Variants in UVRAG observed in about 807,000 individuals in gnomAD.
The protein encoded by UVRAG is UV radiation resistance associated.
In UVRAG, 19 loss-of-function variants were observed where a neutral mutation model predicts 78.0. The observed-to-expected ratio is 0.24, with a 90% CI of 0.17 to 0.36. The LOEUF is 0.36. Ranked by LOEUF, UVRAG falls within the 10% of genes least tolerant of loss-of-function variation. The pLI, the probability that UVRAG is intolerant of heterozygous loss-of-function variation, is 1.00. For synonymous variants in UVRAG, 323 were observed against 324.6 expected (o/e 1.00, Z 0.05); for missense variants, 740 against 853.8 (o/e 0.87, Z 1.66).
intron 6 of UVRAG, among the ~76,000 whole-genome samples, chr11:75,948,090 A>G (rs973055838): frequency 7.9e-5 from 12 of 152,188 alleles, no homozygotes; most frequent in African/African-American, 2.4e-4. Context: ...CAAGCAAAGA[A>G]TAACATCTAA....
chr11:75,994,855 T>G (rs1175108674), intron 8 of UVRAG, among the ~76,000 whole-genome samples: 1 of 152,236 alleles, frequency 6.6e-6, no homozygotes, highest in African/African-American at 2.4e-5. Context: ...AACTTTGTTT[T>G]GCTTTGTTCC....
At chr11:75,983,669 C>T (rs991702476) in intron 8 of UVRAG, 156 bp downstream of exon 8, 36 of 1,037,758 alleles carry the variant, frequency 3.5e-5, no homozygotes, top group East Asian at 1.7e-4. Context: ...TTGGTGATTT[C>T]CTTGCTGAGC....
chr11:76,028,464 A>AT (rs1340142357), intron 12 of UVRAG, among the ~76,000 whole-genome samples: 1 of 152,184 alleles, frequency 6.6e-6, no homozygotes, highest in African/African-American at 2.4e-5. Context: ...AAAAGCTGAG[A>AT]TGGGCTGAAA....
chr11:75,894,344 A>C (rs932141816), intron 5 of UVRAG, among the ~76,000 whole-genome samples: 1 of 151,998 alleles, frequency 6.6e-6, no homozygotes, highest in Non-Finnish European at 1.5e-5. Flanking sequence ...TTCACAATGG[A>C]ATGAAGAAAA....
intron 5 of UVRAG, among the ~76,000 whole-genome samples, chr11:75,900,198 G>A (rs539556923): frequency 2.0e-5 from 3 of 152,112 alleles, no homozygotes; most frequent in East Asian, 1.9e-4. Context: ...AACAGAGTTC[G>A]ACTTGTTCTC....
At chr11:75,842,774 G>A (rs888791285) in intron 1 of UVRAG, among the ~76,000 whole-genome samples, 11 of 151,874 alleles carry the variant, frequency 7.2e-5, no homozygotes, top group South Asian at 6.2e-4. Flanking sequence ...CCCCTTTTTC[G>A]TTGGTCTCTA....
intron 13 of UVRAG, among the ~76,000 whole-genome samples, chr11:76,113,851 TA>T (rs777554740): frequency 1.4e-4 from 21 of 149,444 alleles, no homozygotes; most frequent in South Asian, 6.3e-4. Context: ...TTCTATGATT[TA>T]AAAAAAAAAT....
intron 12 of UVRAG, among the ~76,000 whole-genome samples, chr11:76,059,780 A>G (rs1951048335): frequency 6.6e-6 from 1 of 152,248 alleles, no homozygotes; most frequent in Non-Finnish European, 1.5e-5. Flanking sequence ...CAAGTAATTG[A>G]TAGAGAAAAG....
intron 4 of UVRAG, 22 bp from the exon 5 acceptor site, chr11:75,888,807 C>T (rs1947151145): frequency 6.3e-7 from 1 of 1,590,516 alleles, no homozygotes; most frequent in Non-Finnish European, 8.6e-7. Context: ...ATAACAAATA[C>T]TGTATTTTCC....
At chr11:75,822,533 G>GT (rs1428483114) in intron 1 of UVRAG, among the ~76,000 whole-genome samples, 4 of 152,148 alleles carry the variant, frequency 2.6e-5, no homozygotes, top group Non-Finnish European at 5.9e-5. Flanking sequence ...CATGCCAGAC[G>GT]TAAGTCTGGG....
chr11:76,073,648 A>G (rs142082992), intron 13 of UVRAG, among the ~76,000 whole-genome samples: 49 of 152,300 alleles, frequency 3.2e-4, no homozygotes, highest in African/African-American at 1.1e-3. Flanking sequence ...GTATAATGCT[A>G]TGAAATCATA....
intron 14 of UVRAG, among the ~76,000 whole-genome samples, chr11:76,138,513 C>A (rs7928611): frequency 0.063 from 9,602 of 152,266 alleles, 564 homozygotes; most frequent in African/African-American, 0.16. Context: ...AGTTCTCAAA[C>A]TCAACGAGGG....
intron 12 of UVRAG, among the ~76,000 whole-genome samples, chr11:76,065,205 A>G (rs1474113271): frequency 2.6e-5 from 4 of 152,232 alleles, no homozygotes; most frequent in African/African-American, 9.6e-5. Flanking sequence ...GTAAATGTGA[A>G]TGAATATTTT....
At chr11:75,930,569 A>G (rs1431878032) in intron 6 of UVRAG, among the ~76,000 whole-genome samples, 1 of 152,238 alleles carries the variant, frequency 6.6e-6, no homozygotes, top group Non-Finnish European at 1.5e-5. Flanking sequence ...AGAAAAAAAT[A>G]TACTTACTCA....
intron 4 of UVRAG, among the ~76,000 whole-genome samples, chr11:75,880,498 C>T (rs1049453365): frequency 6.6e-6 from 1 of 152,160 alleles, no homozygotes; most frequent in Non-Finnish European, 1.5e-5. Context: ...GGATTATTTG[C>T]TGCCACTGGT....
intron 11 of UVRAG, among the ~76,000 whole-genome samples, chr11:76,009,553 A>G (rs971650266): frequency 9.9e-5 from 15 of 152,170 alleles, no homozygotes; most frequent in African/African-American, 3.6e-4. Context: ...AAATATCTTT[A>G]TAGATTATTC....
intron 2 of UVRAG, among the ~76,000 whole-genome samples, chr11:75,859,549 T>C (rs1946373027): frequency 6.6e-6 from 1 of 152,076 alleles, no homozygotes; most frequent in East Asian, 1.9e-4. Context: ...TTAAATACAT[T>C]ATTTTATTTC....
At chr11:76,058,366 A>G (rs777999874) in intron 12 of UVRAG, among the ~76,000 whole-genome samples, 4 of 151,826 alleles carry the variant, frequency 2.6e-5, no homozygotes, top group African/African-American at 4.8e-5. Flanking sequence ...CCTTGTCTCT[A>G]TCCTCCCGTG....
At chr11:75,820,653 C>A (rs1945367395) in intron 1 of UVRAG, among the ~76,000 whole-genome samples, 2 of 152,204 alleles carry the variant, frequency 1.3e-5, no homozygotes, top group African/African-American at 4.8e-5. Flanking sequence ...CCGCACCCGG[C>A]CTCACTTATT....
Sources: allele counts gnomAD v4.1 joint callset (sites outside exome capture counted in the v4.1 genomes callset), GRCh38; gene constraint gnomAD v4.1.1; transcripts MANE v1.5; gene names NCBI Gene and HGNC (gene_info 2026-07-23, HGNC 2026-07-21).